Variants in FSTL4 observed in about 807,000 individuals in gnomAD.
FSTL4 encodes the protein follistatin like 4, also known as follistatin-related protein 4.
FSTL4 carries 28 observed loss-of-function variants against 78.2 expected under a neutral mutation model. That is an observed-to-expected ratio of 0.36 (90% CI 0.27 to 0.49). FSTL4 has a LOEUF of 0.49. Among genes scored for constraint, FSTL4 ranks in the 20% least tolerant of loss-of-function variants. The probability of loss-of-function intolerance (pLI) is 0.98; values close to 1 mark genes in which losing one functional copy is unlikely to be tolerated. For missense variants in FSTL4, 922 were observed against 1,084.9 expected (o/e 0.85, Z 2.11); for synonymous variants, 422 against 440.5 (o/e 0.96, Z 0.53).
At chr5:133,830,012 G>T in the FSTL4 span, among the ~76,000 whole-genome samples, 1 of 152,192 alleles carries the variant, frequency 6.6e-6, no homozygotes. Context: ...AGGTTGGCCT[G>T]GATGAGGATG....
At chr5:133,467,028 G>C (rs1280442459) in intron 3 of FSTL4, among the ~76,000 whole-genome samples, 1 of 151,868 alleles carries the variant, frequency 6.6e-6, no homozygotes, top group Non-Finnish European at 1.5e-5. Context: ...ATGTGTGAGT[G>C]TATGTGAGAG....
At chr5:133,795,124 T>C in the FSTL4 span, among the ~76,000 whole-genome samples, 1 of 151,888 alleles carries the variant, frequency 6.6e-6, no homozygotes, top group Non-Finnish European at 1.5e-5. Context: ...AGATGGAGAG[T>C]TTCTGCACAC....
chr5:133,491,242 T>TGCATTATG (rs1265364664), intron 3 of FSTL4, among the ~76,000 whole-genome samples: 1 of 152,214 alleles, frequency 6.6e-6, no homozygotes, highest in African/African-American at 2.4e-5. Flanking sequence ...TCCTAGGCTT[T>TGCATTATG]GCATTATGTC....
the FSTL4 span, among the ~76,000 whole-genome samples, chr5:133,620,729 A>G: frequency 6.6e-6 from 1 of 152,170 alleles, no homozygotes; most frequent in Non-Finnish European, 1.5e-5. Context: ...TCCTCCACCT[A>G]ACCACTGTGT....
chr5:133,273,709 C>T (rs1056177947), intron 6 of FSTL4, among the ~76,000 whole-genome samples: 9 of 152,190 alleles, frequency 5.9e-5, no homozygotes, highest in Non-Finnish European at 1.0e-4. Context: ...CTTGTGACCA[C>T]GTATCTGTGT....
At chr5:133,805,609 G>A in the FSTL4 span, among the ~76,000 whole-genome samples, 1 of 152,200 alleles carries the variant, frequency 6.6e-6, no homozygotes, top group Non-Finnish European at 1.5e-5. Context: ...TCTTCCTGAA[G>A]GTGTGTATGA....
At chr5:133,506,798 T>C (rs1758620382) in intron 3 of FSTL4, among the ~76,000 whole-genome samples, 2 of 152,234 alleles carry the variant, frequency 1.3e-5, no homozygotes, top group Non-Finnish European at 1.5e-5. Context: ...AGTGAGGTCA[T>C]TCAATAAATA....
intron 2 of FSTL4, among the ~76,000 whole-genome samples, chr5:133,601,775 C>G (rs1344907151): frequency 2.6e-5 from 4 of 151,226 alleles, no homozygotes; most frequent in Admixed American, 1.3e-4. Flanking sequence ...CTTGACTTCC[C>G]CAGGCTCAGG....
At chr5:133,633,932 C>A in the FSTL4 span, among the ~76,000 whole-genome samples, 1 of 152,070 alleles carries the variant, frequency 6.6e-6, no homozygotes, top group African/African-American at 2.4e-5. Flanking sequence ...TCACTGAAAC[C>A]TCCCTGGCAG....
At chr5:133,659,155 C>T in the FSTL4 span, among the ~76,000 whole-genome samples, 2 of 152,052 alleles carry the variant, frequency 1.3e-5, no homozygotes, top group Non-Finnish European at 2.9e-5. Context: ...CATATCCTTG[C>T]TTATTTTTGT....
At position 133,366,539 on chromosome 5, in the gene FSTL4, T is replaced by A. The variant is rs567687875; in HGVS notation, c.409+34199A>T. On this transcript the variant is annotated intron_variant, in intron 4 of 15. Coordinates refer to ENST00000265342, the MANE Select transcript of FSTL4 (RefSeq NM_015082.2). ...GACAGTGACATGCAATTTATTTTTT[T>A]AAAAATCCGTAACTCTGACTCCTCT... is the stretch of plus-strand genomic sequence containing the variant. Among the ~76,000 whole-genome samples, 9 of 152,174 alleles carry A rather than the reference T, an allele frequency of 5.9e-5. No homozygotes were observed. In the East Asian group the frequency reaches 1.4e-3, roughly 23 times the overall value.
At chr5:133,734,926 A>G in the FSTL4 span, among the ~76,000 whole-genome samples, 7 of 152,168 alleles carry the variant, frequency 4.6e-5, no homozygotes, top group Non-Finnish European at 2.9e-5. Context: ...CCTCACCATC[A>G]TGGGTCAACA....
intron 14 of FSTL4, among the ~76,000 whole-genome samples, chr5:133,207,139 CT>C (rs1357267647): frequency 6.6e-6 from 1 of 150,864 alleles, no homozygotes; most frequent in African/African-American, 2.5e-5. Flanking sequence ...TGATGAAAGG[CT>C]TTCTATGTTT....
chr5:133,453,932 C>T (rs549421687), intron 3 of FSTL4, among the ~76,000 whole-genome samples: 1 of 152,212 alleles, frequency 6.6e-6, no homozygotes, highest in Non-Finnish European at 1.5e-5. Flanking sequence ...TGGGATGAGG[C>T]ATCCCAGCAA....
chr5:133,218,331 C>T (rs1750981736), intron 12 of FSTL4, among the ~76,000 whole-genome samples: 1 of 152,176 alleles, frequency 6.6e-6, no homozygotes, highest in South Asian at 2.1e-4. Flanking sequence ...GGCCAGGTCA[C>T]ACTACCTGCC....
chr5:133,604,610 G>A (rs1391751161), intron 1 of FSTL4, among the ~76,000 whole-genome samples: 1 of 152,122 alleles, frequency 6.6e-6, no homozygotes, highest in Non-Finnish European at 1.5e-5. Flanking sequence ...TCAGGAGGCT[G>A]GGGCAGGAGA....
intron 2 of FSTL4, among the ~76,000 whole-genome samples, chr5:133,579,417 C>T (rs558062739): frequency 2.0e-5 from 3 of 152,262 alleles, no homozygotes; most frequent in Admixed American, 6.5e-5. Flanking sequence ...GCCTGTGATG[C>T]GTTCCTCATT....
At chr5:133,796,614 C>G in the FSTL4 span, among the ~76,000 whole-genome samples, 2 of 152,070 alleles carry the variant, frequency 1.3e-5, no homozygotes, top group Non-Finnish European at 2.9e-5. Flanking sequence ...CCAAACTCCC[C>G]TTGGCGTTCA....
the FSTL4 span, among the ~76,000 whole-genome samples, chr5:133,773,756 ACT>A: frequency 7.9e-5 from 12 of 151,836 alleles, no homozygotes; most frequent in African/African-American, 2.9e-4. Flanking sequence ...CTCTTTAATT[ACT>A]CTTTTGAGTG....
Sources: allele counts gnomAD v4.1 joint callset (sites outside exome capture counted in the v4.1 genomes callset), GRCh38; gene constraint gnomAD v4.1.1; transcripts MANE v1.5; gene names NCBI Gene and HGNC (gene_info 2026-07-23, HGNC 2026-07-21).